Variants in CAMTA1 observed in about 807,000 individuals in gnomAD.
The protein encoded by CAMTA1 is calmodulin-binding transcription activator 1.
CAMTA1 carries 27 observed loss-of-function variants against 170.9 expected under a neutral mutation model. The observed-to-expected ratio is 0.16, with a 90% CI of 0.12 to 0.22. The LOEUF (loss-of-function observed/expected upper bound fraction) is 0.22, where lower values mean the gene tolerates loss of function less well. Ranked by LOEUF, CAMTA1 falls within the 10% of genes least tolerant of loss-of-function variation. The probability of loss-of-function intolerance (pLI) is 1.00; values close to 1 mark genes in which losing one functional copy is unlikely to be tolerated. For missense variants in CAMTA1, 1,619 were observed against 2,217.2 expected, an observed-to-expected ratio of 0.73 and a Z score of 5.42; for synonymous variants, 833 against 891.5, an observed-to-expected ratio of 0.93 and a Z score of 1.17.
intron 7 of CAMTA1, among the ~76,000 whole-genome samples, chr1:7,653,435 T>C (rs1472049149): frequency 6.6e-6 from 1 of 152,088 alleles, no homozygotes; most frequent in African/African-American, 2.4e-5. Flanking sequence ...ACTAATGTTT[T>C]TATTTTTTGT....
At chr1:6,787,530 G>T (rs1639760975) in intron 1 of CAMTA1, among the ~76,000 whole-genome samples, 1 of 152,228 alleles carries the variant, frequency 6.6e-6, no homozygotes, top group Non-Finnish European at 1.5e-5. Flanking sequence ...CAGTGCACAG[G>T]AAGTTGGAAG....
rs185654905 is a variant in CAMTA1 at position 7,122,520 on chromosome 1, T to C, written c.302+31149T>C. Reference sequence around the variant, plus strand: ...ACACGTGCCCCTGAGGGATGGCATGTAACAAGCAGCAGAGCAGGCAGGCAC... The same window carrying C: ...ACACGTGCCCCTGAGGGATGGCATGCAACAAGCAGCAGAGCAGGCAGGCAC... On this transcript the variant is annotated intron_variant, in intron 4 of 22. Transcript: ENST00000303635. 2.1e-3 allele frequency among the ~76,000 whole-genome samples: 326 copies of C among 152,224 alleles called. 3 individuals carry two copies. The South Asian group carries it at 0.034, about 16-fold the overall frequency.
intron 3 of CAMTA1, among the ~76,000 whole-genome samples, chr1:6,962,991 C>G (rs1389364350): frequency 6.6e-6 from 1 of 151,372 alleles, no homozygotes; most frequent in African/African-American, 2.4e-5. Context: ...TGGCCCTGCC[C>G]ATTCCCACCT....
At chr1:7,433,425 G>T (rs2149370558) in intron 5 of CAMTA1, among the ~76,000 whole-genome samples, 1 of 152,312 alleles carries the variant, frequency 6.6e-6, no homozygotes, top group Admixed American at 6.5e-5. Flanking sequence ...TCCCACTCCT[G>T]GCCAGGCCCA....
chr1:7,651,824 G>A (rs1301072577), intron 7 of CAMTA1, among the ~76,000 whole-genome samples: 1 of 152,226 alleles, frequency 6.6e-6, no homozygotes, highest in African/African-American at 2.4e-5. Context: ...GCGGCCACAT[G>A]GGGGCCCCGA....
intron 7 of CAMTA1, among the ~76,000 whole-genome samples, chr1:7,654,599 C>T (rs1203329315): frequency 6.7e-6 from 1 of 149,764 alleles, no homozygotes; most frequent in Non-Finnish European, 1.5e-5. Flanking sequence ...CAGCTATACA[C>T]ACACACTCCT....
intron 6 of CAMTA1, among the ~76,000 whole-genome samples, chr1:7,484,170 C>T (rs1054950742): frequency 2.0e-5 from 3 of 152,192 alleles, no homozygotes; most frequent in African/African-American, 4.8e-5. Context: ...AGGGCAGACC[C>T]GGTGTGGGTA....
chr1:7,343,469 G>A (rs2083990979), intron 5 of CAMTA1, among the ~76,000 whole-genome samples: 1 of 152,224 alleles, frequency 6.6e-6, no homozygotes, highest in Admixed American at 6.5e-5. Context: ...GGAGGAATTA[G>A]AGTAATTAGA....
chr1:7,650,698 C>T (rs902201381), intron 7 of CAMTA1, among the ~76,000 whole-genome samples: 1 of 152,192 alleles, frequency 6.6e-6, no homozygotes, highest in African/African-American at 2.4e-5. Flanking sequence ...ATCCCGTCCC[C>T]CCTCAGCCTC....
chr1:7,166,915 A>T (rs893461475), intron 4 of CAMTA1, among the ~76,000 whole-genome samples: 1 of 151,238 alleles, frequency 6.6e-6, no homozygotes, highest in African/African-American at 2.4e-5. Flanking sequence ...GGTTCAAGTG[A>T]TTCTCTTACC....
chr1:6,966,471 A>G (rs1691567595), intron 3 of CAMTA1, among the ~76,000 whole-genome samples: 1 of 152,126 alleles, frequency 6.6e-6, no homozygotes, highest in Non-Finnish European at 1.5e-5. Flanking sequence ...TCTTTCCCCC[A>G]GCAGAATGTT....
rs1471303475 is a variant in CAMTA1 at position 7,426,671 on chromosome 1, CG to C, written c.439-41154del. Among the ~76,000 whole-genome samples, 9 of 146,804 alleles carry C rather than the reference CG, an allele frequency of 6.1e-5. No individual in the cohort carries two copies. The highest frequency in any genetic ancestry group is 1.2e-4 in the Non-Finnish European group (8 of 67,102). ...CTGTGCAAAAAAGCAGGGGTTGGGG[CG>C]GGGGAAAGGTGGAGAAAACTTCGCT... On this transcript the variant is annotated intron_variant, in intron 5 of 22. Coordinates refer to ENST00000303635, the MANE Select transcript of CAMTA1 (RefSeq NM_015215.4). This position sits in a 1 kb window ranked among gnomAD's most constrained non-coding sequence, Gnocchi z 4.8.
At chr1:7,549,140 G>T (rs1383979146) in intron 6 of CAMTA1, among the ~76,000 whole-genome samples, 2 of 143,998 alleles carry the variant, frequency 1.4e-5, no homozygotes, top group Non-Finnish European at 3.1e-5. Flanking sequence ...GCCCATGGAG[G>T]TGTCCCTTAG....
chr1:7,237,728 T>C (rs1330741793), intron 4 of CAMTA1, among the ~76,000 whole-genome samples: 1 of 152,208 alleles, frequency 6.6e-6, no homozygotes, highest in Non-Finnish European at 1.5e-5. Context: ...GATAGGTGAG[T>C]CTGTGAGCTG....
chr1:7,044,599 C>T lies in CAMTA1; in HGVS notation c.235-46705C>T, dbSNP rs1156691669. Among the ~76,000 whole-genome samples the T allele has an allele frequency of 6.6e-6, 1 of 152,174 alleles. No individual in the cohort carries two copies. The highest frequency in any genetic ancestry group is 1.5e-5 in the Non-Finnish European group (1 of 68,014). On this transcript the variant is annotated intron_variant, in intron 3 of 22. Coordinates refer to ENST00000303635, the MANE Select transcript of CAMTA1 (RefSeq NM_015215.4). This position sits in a 1 kb window ranked among gnomAD's most constrained non-coding sequence, Gnocchi z 5.0. The stretch of plus-strand genomic sequence containing the variant: ...CTCTAGCGGGCAGATTCTGTGGTGG[C>T]GCTGAAACAGGAGACGTCCTCTCCG...
Position 6,974,391 on chromosome 1 carries a change from G to A in CAMTA1, c.235-116913G>A, listed in dbSNP as rs145652188. ...ATGCAGACCAACTGGAGGGTCTCTA[G>A]CTTGGAGATTTAATGTAAAATAAAC... On this transcript the variant is annotated intron_variant, in intron 3 of 22. Coordinates refer to ENST00000303635, the MANE Select transcript of CAMTA1 (RefSeq NM_015215.4). Among the ~76,000 whole-genome samples the A allele has an allele frequency of 5.9e-5, 9 of 152,332 alleles. No homozygotes were observed. In the East Asian group the frequency reaches 1.7e-3, roughly 29 times the overall value.
chr1:7,668,677 A>G (rs950412235), intron 9 of CAMTA1, among the ~76,000 whole-genome samples: 1 of 152,096 alleles, frequency 6.6e-6, no homozygotes, highest in African/African-American at 2.4e-5. Flanking sequence ...GGCTGTTGCC[A>G]TGGGAACCAT....
At chr1:7,691,941 TTC>T (rs1447432925) in intron 11 of CAMTA1, among the ~76,000 whole-genome samples, 2 of 148,678 alleles carry the variant, frequency 1.3e-5, no homozygotes, top group African/African-American at 5.0e-5. Context: ...TGAAGGTTTC[TTC>T]AAGGGAGGGA....
In CAMTA1 at chr1:7,665,129, T is replaced by G. The variant is rs778776965; in HGVS notation, c.2582T>G (p.Leu861Arg). Residue 861 changes from leucine to arginine, a missense_variant, in exon 9 of 23, where the codon CTA (leucine) becomes CGA (arginine). Leu to Arg is a moderately radical substitution (Grantham distance 102). This residue lies in a region of CAMTA1 where 731 missense variants were observed against 907.6 expected (regional missense o/e 0.81). Coordinates refer to ENST00000303635, the MANE Select transcript of CAMTA1 (RefSeq NM_015215.4). This position sits in a 1 kb window ranked among gnomAD's most constrained non-coding sequence, Gnocchi z 4.3. ...VVSAASAQGT[L>R]GMLQQSGRVF... ...TCGGCCGCCTCGGCCCAGGGCACCC[T>G]AGGCATGCTGCAGCAGAGCGGACGG... is the stretch of plus-strand genomic sequence containing the variant. 4.0e-6 allele frequency: 6 copies of G among 1,518,036 alleles called. No individual in the cohort carries two copies. Among genetic ancestry groups the G allele is most frequent in the Non-Finnish European group, 8.8e-7 (1 of 1,136,848 alleles). 94.0% of individuals were successfully genotyped at this position (1,518,036 alleles called of 1,614,324 possible). A position where few individuals can be genotyped will look rare whatever the true frequency, so the allele number is the denominator to read the frequency against.
Sources: gnomAD v4.1 joint callset for allele counts (sites outside exome capture counted in the v4.1 genomes callset) on GRCh38, gnomAD v4.1.1 for gene constraint, gnomAD v4.1.1 regional missense constraint, Gnocchi (gnomAD v3.1) non-coding constraint, MANE v1.5 for transcripts, NCBI Gene and HGNC (gene_info 2026-07-23, HGNC 2026-07-21) for gene names.